Variants in ANK1 observed in about 807,000 individuals in gnomAD.
The protein encoded by ANK1 is ankyrin-1.
In ANK1, 51 loss-of-function variants were observed where a neutral mutation model predicts 210.4. The ratio of observed to expected loss-of-function variants is 0.24; its 90% CI spans 0.19 to 0.31. The LOEUF is 0.31. Among genes scored for constraint, ANK1 ranks in the 10% least tolerant of loss-of-function variants. The pLI is 1.00. For missense variants in ANK1, 2,051 were observed against 2,504.4 expected, an observed-to-expected ratio of 0.82 and a Z score of 3.86; for synonymous variants, 967 against 1,025.9, an observed-to-expected ratio of 0.94 and a Z score of 1.10.
In ANK1 at chr8:41,668,402, G is replaced by T; in HGVS notation, c.5259C>A (p.Val1753=). The T allele has an allele frequency of 6.2e-7, 1 of 1,614,228 alleles. No individual in the cohort carries two copies. Among genetic ancestry groups the T allele is most frequent in the Non-Finnish European group, 8.5e-7 (1 of 1,180,040 alleles). The change falls in exon 39 of 43, where the codon GTC becomes GTA. Residue 1753 remains valine, a synonymous_variant. Transcript: ENST00000289734. ...EPGGSQEYEK[V]LVSVSEHTWT... ...ACGTGTGCTCACTTACAGACACCAG[G>T]ACCTTCTCGTACTCCTGAGATCCAC...
At chr8:41,720,696 G>A (rs560708680) in intron 9 of ANK1, among the ~76,000 whole-genome samples, 64 of 152,184 alleles carry the variant, frequency 4.2e-4, no homozygotes, top group African/African-American at 1.4e-3. Context: ...AACAGATGGC[G>A]TCCCTGATGA....
At chr8:41,798,512 C>G (rs1200163944), upstream of ANK1, among the ~76,000 whole-genome samples, 1 of 152,220 alleles carries the variant, frequency 6.6e-6, no homozygotes, top group Non-Finnish European at 1.5e-5. Flanking sequence ...CAAGCTCCTG[C>G]AGGCCTGGCC....
chr8:41,745,386 A>G (rs1015755753), intron 2 of ANK1, among the ~76,000 whole-genome samples: 1 of 152,234 alleles, frequency 6.6e-6, no homozygotes, highest in African/African-American at 2.4e-5. Context: ...ATCAGGTCAC[A>G]TGTCCTACAT....
rs1242596948 is a variant in ANK1 at position 41,802,995 on chromosome 8, G to GAGAAAGAGAGAAAGAAAGAA, written c.127-44859_127-44858insTTCTTTCTTTCTCTCTTTCT. Among the ~76,000 whole-genome samples the GAGAAAGAGAGAAAGAAAGAA allele has an allele frequency of 1.3e-3, 73 of 57,518 alleles. 1 individual carries two copies. Among genetic ancestry groups the GAGAAAGAGAGAAAGAAAGAA allele is most frequent in the Non-Finnish European group, 2.1e-3 (64 of 30,122 alleles). The allele number at this position is 57,518 out of a possible 152,430, so 37.7% of individuals were successfully genotyped here. ...AGATGAAAAAAGAAAGAGAGAAAGA[G>GAGAAAGAGAGAAAGAAAGAA]AGAAAGAAAGAAAGAAAGAAAGAAA... On this transcript the variant is annotated intron_variant, in intron 1 of 42. Coordinates refer to the ANK1 transcript ENST00000265709.
chr8:41,763,535 T>G (rs2150721562), intron 1 of ANK1, among the ~76,000 whole-genome samples: 1 of 152,330 alleles, frequency 6.6e-6, no homozygotes, highest in East Asian at 1.9e-4. Context: ...AGTCTATGCC[T>G]TTCCACTGCC....
At chr8:41,861,861 C>T (rs953394574) in intron 1 of ANK1, among the ~76,000 whole-genome samples, 5 of 152,210 alleles carry the variant, frequency 3.3e-5, no homozygotes, top group South Asian at 2.1e-4. Context: ...TTTCTGAGCA[C>T]GCCTTCTTAG....
chr8:41,709,002 C>G (rs1825447391), intron 16 of ANK1, 27 bp from the exon 17 acceptor site: 2 of 1,612,904 alleles, frequency 1.2e-6, no homozygotes, highest in African/African-American at 2.7e-5. Flanking sequence ...CGCCCAGAGC[C>G]TGGTTACAGG....
chr8:41,885,318 C>G (rs1226875502), intron 1 of ANK1, among the ~76,000 whole-genome samples: 1 of 152,214 alleles, frequency 6.6e-6, no homozygotes, highest in East Asian at 1.9e-4. Context: ...TTCAACCACA[C>G]CAGCTGTAGT....
chr8:41,663,911 G>T, intron 39 of ANK1, 169 bp from the exon 40 acceptor site: 1 of 683,172 alleles, frequency 1.5e-6, no homozygotes. Flanking sequence ...GGGCTCCCAG[G>T]GCGTGGGCGG....
intron 42 of ANK1, chr8:41,660,841 G>A (rs1255450679): frequency 3.4e-6 from 1 of 293,544 alleles, no homozygotes; most frequent in African/African-American, 2.3e-5. Context: ...CTGTAGCTGG[G>A]CTCCAGGTTC....
intron 1 of ANK1, among the ~76,000 whole-genome samples, chr8:41,824,116 T>C (rs945413342): frequency 6.6e-6 from 1 of 151,966 alleles, no homozygotes; most frequent in Non-Finnish European, 1.5e-5. Context: ...CACGCCACCA[T>C]GCCTGGTTAA....
chr8:41,762,090 G>A (rs1840615660), intron 1 of ANK1, among the ~76,000 whole-genome samples: 1 of 152,178 alleles, frequency 6.6e-6, no homozygotes, highest in Non-Finnish European at 1.5e-5. Context: ...AAGCCCTGTG[G>A]CTGTCTGTTC....
intron 3 of ANK1, among the ~76,000 whole-genome samples, chr8:41,730,855 C>A (rs1240616776): frequency 6.6e-6 from 1 of 152,256 alleles, no homozygotes; most frequent in Non-Finnish European, 1.5e-5. Context: ...CACAGAAGGC[C>A]TGGGCCAGCA....
chr8:41,668,463 T>C lies in ANK1; in HGVS notation c.5198A>G (p.Gln1733Arg). 6.2e-7 allele frequency: 1 copy of C among 1,614,228 alleles called. No homozygotes were observed. Among genetic ancestry groups the C allele is most frequent in the Non-Finnish European group, 8.5e-7 (1 of 1,180,032 alleles). ...CCCTTCAGTCATGGTACTTGTTCCC[T>C]GGAATGAGTGTGGACCTTGCGTGAC... is the stretch of plus-strand genomic sequence containing the variant. ...EEVTQGPHSF[Q>R]GTSTMTEGLE... The change falls in exon 39 of 43, where the codon CAG (glutamine) becomes CGG (arginine). Residue 1733 changes from glutamine to arginine, a missense_variant. By Grantham distance (43) the Gln-to-Arg change is conservative. This residue lies in a region of ANK1 where 496 missense variants were observed against 533.4 expected (regional missense o/e 0.93). Transcript: ENST00000289734.
chr8:41,777,732 GTCCAC>G (rs1338309720), intron 1 of ANK1, among the ~76,000 whole-genome samples: 1 of 152,190 alleles, frequency 6.6e-6, no homozygotes, highest in Non-Finnish European at 1.5e-5. Flanking sequence ...CAGTGCTGAA[GTCCAC>G]TTTCATAATC....
At chr8:41,838,279 G>C (rs892004734) in intron 1 of ANK1, among the ~76,000 whole-genome samples, 1 of 152,204 alleles carries the variant, frequency 6.6e-6, no homozygotes, top group Non-Finnish European at 1.5e-5. Flanking sequence ...AGGGTGGCCA[G>C]GATTTGAAGG....
chr8:41,715,819 G>A lies in ANK1; in HGVS notation c.1435C>T (p.Arg479Cys), dbSNP rs141945303. 50 of 1,614,104 alleles carry A rather than the reference G, an allele frequency of 3.1e-5. No individual in the cohort carries two copies. Among genetic ancestry groups the A allele is most frequent in the Middle Eastern group, 3.3e-4 (2 of 6,080 alleles). Residue 479 changes from arginine (R) to cysteine (C), a missense_variant, in exon 14 of 43, where the codon CGC becomes TGC. Around this residue, in one of 6 missense-constraint regions of ANK1, gnomAD observed 1,413 missense variants for 1,707.4 expected, o/e 0.83. Transcript: ENST00000289734. The stretch of plus-strand genomic sequence containing the variant: ...TTCACCATGTTTGTGTGGCCGATGC[G>A]AGCTGCACAGTGAAGTGGGGTCTGG... The part of the protein sequence containing the change: ...DDQTPLHCAA[R>C]IGHTNMVKLL...
chr8:41,700,034 C>T (rs1822278093), intron 22 of ANK1, among the ~76,000 whole-genome samples: 1 of 152,240 alleles, frequency 6.6e-6, no homozygotes, highest in South Asian at 2.1e-4. Context: ...GGTCAATCGG[C>T]TGCCTACACC....
chr8:41,666,914 C>T (rs1365422633), intron 39 of ANK1, among the ~76,000 whole-genome samples: 3 of 152,172 alleles, frequency 2.0e-5, no homozygotes, highest in Non-Finnish European at 4.4e-5. Context: ...TCCACAGTGC[C>T]CTCATTTATA....
Sources: gnomAD v4.1 joint callset for allele counts (sites outside exome capture counted in the v4.1 genomes callset) on GRCh38, gnomAD v4.1.1 for gene constraint, gnomAD v4.1.1 regional missense constraint, MANE v1.5 for transcripts, NCBI Gene and HGNC (gene_info 2026-07-23, HGNC 2026-07-21) for gene names.